KCNN2: variants seen among roughly 807,000 people sequenced by gnomAD.
KCNN2 encodes small conductance calcium-activated potassium channel protein 2.
Under a neutral mutation model 55.5 loss-of-function variants are expected in KCNN2, and 24 were observed. The ratio of observed to expected loss-of-function variants is 0.43; its 90% CI spans 0.31 to 0.61. KCNN2 has a LOEUF of 0.61. KCNN2 is among the 20% of genes least tolerant of loss of function. The pLI, the probability that KCNN2 is intolerant of heterozygous loss-of-function variation, is 0.08. For missense variants in KCNN2, 754 were observed against 853.6 expected (o/e 0.88, Z 1.45); for synonymous variants, 431 against 336.1 (o/e 1.28, Z -3.09).
chr5:114,486,034 A>G (rs529244620), intron 5 of KCNN2, among the ~76,000 whole-genome samples: 1 of 152,152 alleles, frequency 6.6e-6, no homozygotes, highest in African/African-American at 2.4e-5. Context: ...AATCACTTCA[A>G]CCTGACTTGG....
At chr5:114,487,217 T>G (rs1387902806) in intron 6 of KCNN2, 40 bp downstream of exon 6, 1 of 1,585,258 alleles carries the variant, frequency 6.3e-7, no homozygotes, top group Non-Finnish European at 8.6e-7. Context: ...TGTTGTGTCC[T>G]TGGCTTTCAA....
intron 2 of KCNN2, among the ~76,000 whole-genome samples, chr5:114,320,607 CTG>C (rs1756596854): frequency 6.7e-6 from 1 of 149,984 alleles, no homozygotes; most frequent in African/African-American, 2.5e-5. Flanking sequence ...CAGCGAGACT[CTG>C]TCTCAAAAAA....
intron 1 of KCNN2, among the ~76,000 whole-genome samples, chr5:114,202,585 A>ATATATAT (rs1430105677): frequency 7.6e-5 from 7 of 92,152 alleles, no homozygotes; most frequent in East Asian, 3.0e-4. Flanking sequence ...ATATATATAT[A>ATATATAT]TTTTTTTTTT....
At chr5:114,186,546 C>A (rs1258805463) in intron 1 of KCNN2, among the ~76,000 whole-genome samples, 1 of 151,794 alleles carries the variant, frequency 6.6e-6, no homozygotes, top group African/African-American at 2.4e-5. Context: ...TGAAATAATC[C>A]CAAATACAAG....
intron 2 of KCNN2, among the ~76,000 whole-genome samples, chr5:114,353,842 T>A (rs772098506): frequency 2.0e-5 from 3 of 151,980 alleles, no homozygotes; most frequent in Admixed American, 1.3e-4. Flanking sequence ...ACTTGGCATG[T>A]TATTTTTCTT....
intron 1 of KCNN2, among the ~76,000 whole-genome samples, chr5:114,217,412 A>G (rs1181340203): frequency 6.6e-6 from 1 of 152,140 alleles, no homozygotes; most frequent in African/African-American, 2.4e-5. Flanking sequence ...CATCAATGGA[A>G]CATACCAGAA....
chr5:114,421,902 C>T (rs1448388251), intron 3 of KCNN2, among the ~76,000 whole-genome samples: 1 of 152,204 alleles, frequency 6.6e-6, no homozygotes, highest in Non-Finnish European at 1.5e-5. Context: ...CAGGCGTGAG[C>T]CACCACACGT....
chr5:114,436,606 C>T lies in KCNN2; in HGVS notation c.1638-26443C>T, dbSNP rs184343923. 8.5e-4 allele frequency among the ~76,000 whole-genome samples: 129 copies of T among 152,210 alleles called. No individual in the cohort carries two copies. In the South Asian group the frequency reaches 0.01, roughly 12 times the overall value. On this transcript the variant is annotated intron_variant, in intron 3 of 7. Coordinates refer to ENST00000673685, the MANE Select transcript of KCNN2 (RefSeq NM_021614.4). The stretch of plus-strand genomic sequence containing the variant: ...GGACGGTTGTTTGGTTTTTTCCTCA[C>T]GATACTTTGTTTCTTCATCTTTTGG...
rs1251151984 is a variant in KCNN2 at position 114,104,573 on chromosome 5, C to A, written c.-271+48073C>A. On this transcript the variant is annotated intron_variant, in intron 1 of 10. Transcript: ENST00000512097. ...AAGTGTAGCATGTTTGTTTGCAATACCCTGGTTCCTGGATATAAACTAGTT... is the reference window on the plus strand; with the variant it reads ...AAGTGTAGCATGTTTGTTTGCAATAACCTGGTTCCTGGATATAAACTAGTT... Among the ~76,000 whole-genome samples the A allele has an allele frequency of 6.6e-5, 10 of 152,110 alleles. No individual in the cohort carries two copies. In the East Asian group the frequency reaches 1.5e-3, roughly 24 times the overall value.
At chr5:114,190,162 A>G (rs1312482790) in intron 1 of KCNN2, among the ~76,000 whole-genome samples, 1 of 152,060 alleles carries the variant, frequency 6.6e-6, no homozygotes, top group Non-Finnish European at 1.5e-5. Flanking sequence ...AATCACTTCG[A>G]CATATCAAGT....
intron 2 of KCNN2, among the ~76,000 whole-genome samples, chr5:114,265,056 G>A (rs905478042): frequency 6.6e-6 from 1 of 152,104 alleles, no homozygotes; most frequent in Non-Finnish European, 1.5e-5. Context: ...GCTTGATTGG[G>A]ATAAAGCACT....
chr5:114,076,582 A>G (rs1387758058), intron 1 of KCNN2, among the ~76,000 whole-genome samples: 1 of 152,092 alleles, frequency 6.6e-6, no homozygotes, highest in Non-Finnish European at 1.5e-5. Flanking sequence ...GAATCTCCTC[A>G]CTCCAAATAT....
At chr5:114,295,629 A>T (rs1755994571) in intron 2 of KCNN2, among the ~76,000 whole-genome samples, 1 of 151,910 alleles carries the variant, frequency 6.6e-6, no homozygotes, top group African/African-American at 2.4e-5. Flanking sequence ...AGGAAAGGGA[A>T]CTCCCTGACC....
At chr5:114,280,005 G>C (rs1257058428) in intron 2 of KCNN2, among the ~76,000 whole-genome samples, 2 of 152,176 alleles carry the variant, frequency 1.3e-5, no homozygotes, top group African/African-American at 4.8e-5. Context: ...ACTGGTGTAA[G>C]ATGGTATCTC....
intron 1 of KCNN2, among the ~76,000 whole-genome samples, chr5:114,171,994 T>C (rs1272265956): frequency 6.6e-6 from 1 of 151,906 alleles, no homozygotes; most frequent in African/African-American, 2.4e-5. Flanking sequence ...ATGAAAAAGA[T>C]GGAATGTGCT....
chr5:114,449,711 A>G (rs1342124157), intron 3 of KCNN2, among the ~76,000 whole-genome samples: 3 of 152,138 alleles, frequency 2.0e-5, no homozygotes, highest in Non-Finnish European at 4.4e-5. Context: ...TTCATTTCCA[A>G]CATTGCCTAG....
intron 1 of KCNN2, among the ~76,000 whole-genome samples, chr5:114,082,788 C>G (rs915115057): frequency 3.3e-5 from 5 of 152,124 alleles, no homozygotes; most frequent in African/African-American, 9.7e-5. Flanking sequence ...AGACATTATG[C>G]TAAGTGAAAT....
rs1490049293 is a variant in KCNN2, at chr5:114,379,562, ATAT to A, written c.1218+15565_1218+15567del. 1.4e-3 allele frequency among the ~76,000 whole-genome samples: 120 copies of A among 85,648 alleles called. 9 individuals carry two copies. The highest frequency in any genetic ancestry group is 0.013 in the Admixed American group (103 of 7,920). 56.2% of individuals were successfully genotyped at this position (85,648 alleles called of 152,430 possible). A position where few individuals can be genotyped will look rare whatever the true frequency, so the allele number is the denominator to read the frequency against. On this transcript the variant is annotated intron_variant, in intron 2 of 7. Coordinates refer to ENST00000673685, the MANE Select transcript of KCNN2 (RefSeq NM_021614.4). Reference sequence around the variant, plus strand: ...TATATTATAGAATATATTATATAACATATTATATATTATAGAATATATTATATA... The same window carrying A: ...TATATTATAGAATATATTATATAACATATATATTATAGAATATATTATATA...
intron 2 of KCNN2, among the ~76,000 whole-genome samples, chr5:114,266,500 T>C (rs2150006275): frequency 6.6e-6 from 1 of 152,316 alleles, no homozygotes; most frequent in South Asian, 2.1e-4. Flanking sequence ...ACTCTCCATC[T>C]AGAGATTGCC....
Sources: gnomAD v4.1 joint callset for allele counts (sites outside exome capture counted in the v4.1 genomes callset) on GRCh38, gnomAD v4.1.1 for gene constraint, MANE v1.5 for transcripts, NCBI Gene and HGNC (gene_info 2026-07-23, HGNC 2026-07-21) for gene names.